EEFSEC: variants seen among roughly 807,000 people sequenced by gnomAD.
EEFSEC encodes the protein selenocysteine-specific elongation factor.
A neutral mutation model predicts 42.1 loss-of-function variants in EEFSEC; 43 were observed. That is an observed-to-expected ratio of 1.02 (90% CI 0.80 to 1.32). EEFSEC has a LOEUF of 1.32. Among genes scored for constraint, EEFSEC ranks in the 40% most tolerant of loss-of-function variants. The pLI, the probability that EEFSEC is intolerant of heterozygous loss-of-function variation, is 0.00. For missense variants in EEFSEC, 745 were observed against 803.6 expected (o/e 0.93, Z 0.88); for synonymous variants, 354 against 339.1 (o/e 1.04, Z -0.48).
intron 1 of EEFSEC, among the ~76,000 whole-genome samples, chr3:128,208,193 G>T (rs1026486025): frequency 2.6e-5 from 4 of 152,180 alleles, no homozygotes; most frequent in African/African-American, 9.7e-5. Context: ...AGCACAGGCT[G>T]GTCTCTGCCT....
At chr3:128,177,904 G>A (rs927002718) in intron 1 of EEFSEC, among the ~76,000 whole-genome samples, 1 of 152,168 alleles carries the variant, frequency 6.6e-6, no homozygotes, top group African/African-American at 2.4e-5. Context: ...AGAATTTGGA[G>A]AAACCATAGC....
chr3:128,341,421 C>T lies in EEFSEC; in HGVS notation c.975C>T (p.Phe325=), dbSNP rs2067250587. Residue 325 remains phenylalanine (F), a synonymous_variant, in exon 5 of 7, where the codon TTC becomes TTT. Transcript: ENST00000254730. ...TCTCTGTGGAAAAGATACCGTATTTCCGGGGGCCCCTGCAAACCAAGGCCA... is the reference window on the plus strand; with the variant it reads ...TCTCTGTGGAAAAGATACCGTATTTTCGGGGGCCCCTGCAAACCAAGGCCA... ...ALISVEKIPY[F]RGPLQTKAKF... The T allele has an allele frequency of 6.2e-7, 1 of 1,614,080 alleles. No homozygotes were observed. The highest frequency in any genetic ancestry group is 8.5e-7 in the Non-Finnish European group (1 of 1,180,054).
rs181022610 is a variant in EEFSEC, at chr3:128,293,717, G to A, written c.786+28936G>A. Reference sequence around the variant, plus strand: ...CCTTATAGGATCACATTAATAACCCGAGCCACAGAGTCAGAAAGTGCTGCC... The same window carrying A: ...CCTTATAGGATCACATTAATAACCCAAGCCACAGAGTCAGAAAGTGCTGCC... On this transcript the variant is annotated intron_variant, in intron 4 of 6. Coordinates refer to ENST00000254730, the MANE Select transcript of EEFSEC (RefSeq NM_021937.5). Among the ~76,000 whole-genome samples the A allele has an allele frequency of 1.1e-4, 16 of 144,260 alleles. 1 individual carries two copies. In the East Asian group the frequency reaches 3.0e-3, roughly 27 times the overall value. The allele number at this position is 144,260 out of a possible 152,430, so 94.6% of individuals were successfully genotyped here. A position where few individuals can be genotyped will look rare whatever the true frequency, so the allele number is the denominator to read the frequency against.
At chr3:128,349,612 C>G (rs1036085308) in intron 5 of EEFSEC, among the ~76,000 whole-genome samples, 7 of 152,200 alleles carry the variant, frequency 4.6e-5, no homozygotes, top group East Asian at 1.9e-4. Flanking sequence ...CCTCACCTCC[C>G]CAAGCCACCA....
intron 4 of EEFSEC, among the ~76,000 whole-genome samples, chr3:128,324,098 ATAC>A (rs1439059356): frequency 6.6e-6 from 1 of 152,140 alleles, no homozygotes; most frequent in East Asian, 1.9e-4. Context: ...CTCACCTTGC[ATAC>A]TCTTTGGTCT....
intron 1 of EEFSEC, among the ~76,000 whole-genome samples, chr3:128,169,509 C>T (rs945388426): frequency 6.6e-6 from 1 of 152,218 alleles, no homozygotes; most frequent in Non-Finnish European, 1.5e-5. Context: ...CTGGATATGC[C>T]TGGTCTCACT....
At chr3:128,235,822 G>A (rs1446685891) in intron 1 of EEFSEC, among the ~76,000 whole-genome samples, 6 of 151,926 alleles carry the variant, frequency 3.9e-5, no homozygotes, top group African/African-American at 9.7e-5. Context: ...CCATGTGCAC[G>A]TGGGTCACTG....
the EEFSEC span, among the ~76,000 whole-genome samples, chr3:128,416,316 C>T: frequency 2.8e-4 from 43 of 152,280 alleles, no homozygotes; most frequent in East Asian, 1.2e-3. Context: ...AGCAGGGCCC[C>T]GGCCTGGCCC....
Position 128,287,425 on chromosome 3 carries a change from G to A in EEFSEC, c.786+22644G>A, listed in dbSNP as rs931871031. On this transcript the variant is annotated intron_variant, in intron 4 of 6. Transcript: ENST00000254730. ...TGGGAGAGAGTGAGGAGGCTGGGGA[G>A]GGGATGGAAATCATTTAACAGCTAC... is the stretch of plus-strand genomic sequence containing the variant. 5.3e-5 allele frequency among the ~76,000 whole-genome samples: 8 copies of A among 152,202 alleles called. 1 individual carries two copies. The highest frequency in any genetic ancestry group is 1.7e-4 in the African/African-American group (7 of 41,430).
chr3:128,283,380 TC>T (rs751472272), intron 4 of EEFSEC, among the ~76,000 whole-genome samples: 5 of 152,354 alleles, frequency 3.3e-5, no homozygotes, highest in African/African-American at 4.8e-5. Flanking sequence ...TTTACTTGCT[TC>T]CACAAGTGAA....
intron 4 of EEFSEC, among the ~76,000 whole-genome samples, chr3:128,271,817 A>G (rs1342475508): frequency 6.6e-6 from 1 of 152,078 alleles, no homozygotes; most frequent in Non-Finnish European, 1.5e-5. Context: ...TGCTGACAGA[A>G]AAGCCTTATT....
At chr3:128,249,080 T>C (rs1164132146) in intron 2 of EEFSEC, among the ~76,000 whole-genome samples, 1 of 152,254 alleles carries the variant, frequency 6.6e-6, no homozygotes, top group Non-Finnish European at 1.5e-5. Flanking sequence ...TTTAAGTGAC[T>C]ATTTCATTTT....
intron 1 of EEFSEC, among the ~76,000 whole-genome samples, chr3:128,161,758 G>C (rs2065190206): frequency 6.6e-6 from 1 of 152,182 alleles, no homozygotes; most frequent in Admixed American, 6.5e-5. Flanking sequence ...ATTGAGGTGT[G>C]TGCCCTTCAT....
intron 1 of EEFSEC, among the ~76,000 whole-genome samples, chr3:128,216,672 C>G: frequency 6.6e-6 from 1 of 152,262 alleles, no homozygotes; most frequent in East Asian, 1.9e-4. Context: ...CTCACTGGCC[C>G]TGTTTCCCAG....
chr3:128,209,776 T>A (rs1045096046), intron 1 of EEFSEC, among the ~76,000 whole-genome samples: 1 of 152,258 alleles, frequency 6.6e-6, no homozygotes, highest in African/African-American at 2.4e-5. Flanking sequence ...TGAGCTATGA[T>A]TCGCTTTTGT....
intron 4 of EEFSEC, among the ~76,000 whole-genome samples, chr3:128,335,567 C>T (rs1190521609): frequency 6.6e-6 from 1 of 152,150 alleles, no homozygotes; most frequent in African/African-American, 2.4e-5. Context: ...AGAGACATCA[C>T]GGGGGCTGTG....
At chr3:128,180,889 C>A (rs1406087443) in intron 1 of EEFSEC, among the ~76,000 whole-genome samples, 1 of 152,214 alleles carries the variant, frequency 6.6e-6, no homozygotes, top group Non-Finnish European at 1.5e-5. Flanking sequence ...CTAATGAAGT[C>A]CTGAAGGCCT....
chr3:128,212,723 T>C (rs1289292448), intron 1 of EEFSEC, among the ~76,000 whole-genome samples: 2 of 152,216 alleles, frequency 1.3e-5, no homozygotes, highest in African/African-American at 4.8e-5. Context: ...TTTGGAGGTA[T>C]AGTTTCTACC....
intron 6 of EEFSEC, among the ~76,000 whole-genome samples, chr3:128,376,874 A>T (rs1406560682): frequency 6.6e-6 from 1 of 152,160 alleles, no homozygotes; most frequent in African/African-American, 2.4e-5. Context: ...CTGCACCCAA[A>T]GGTTTGGGGA....
Sources: gnomAD v4.1 joint callset for allele counts (sites outside exome capture counted in the v4.1 genomes callset) on GRCh38, gnomAD v4.1.1 for gene constraint, MANE v1.5 for transcripts, NCBI Gene and HGNC (gene_info 2026-07-23, HGNC 2026-07-21) for gene names.